ZFHX3: variants seen among roughly 807,000 people sequenced by gnomAD.
ZFHX3 encodes zinc finger homeobox 3, also known as zinc finger homeobox protein 3.
ZFHX3 carries 42 observed loss-of-function variants against 279.1 expected under a neutral mutation model. That is an observed-to-expected ratio of 0.15 (90% CI 0.12 to 0.19). The LOEUF (loss-of-function observed/expected upper bound fraction) is 0.19. Ranked by LOEUF, ZFHX3 falls within the 10% of genes least tolerant of loss-of-function variation. ZFHX3 has a pLI of 1.00. For synonymous variants in ZFHX3, 2,293 were observed against 1,957.8 expected (o/e 1.17, Z -4.52); for missense variants, 4,981 against 4,754.0 (o/e 1.05, Z -1.40).
At position 72,957,848 on chromosome 16, in the gene ZFHX3, G is replaced by A. The variant is rs891387151; in HGVS notation, c.2298C>T (p.Phe766=). 2 of 1,613,754 alleles carry A rather than the reference G, an allele frequency of 1.2e-6. No homozygotes were observed. The highest frequency in any genetic ancestry group is 1.7e-6 in the Non-Finnish European group (2 of 1,179,944). Residue 766 remains phenylalanine, a synonymous_variant, in exon 2 of 10, where the codon TTC becomes TTT. Coordinates refer to ENST00000268489, the MANE Select transcript of ZFHX3 (RefSeq NM_006885.4). The stretch of plus-strand genomic sequence containing the variant: ...CCGCCGCCGCCCCGGCAGTGTGGCT[G>A]AAGACCTGCTCCCCCCCTCCATTCT... ...NLQNGGGEQV[F]SHTAGAAAAA... is the part of the protein sequence containing the mutation.
intron 3 of ZFHX3, among the ~76,000 whole-genome samples, chr16:73,353,322 G>A (rs2016281550): frequency 6.6e-6 from 1 of 152,166 alleles, no homozygotes; most frequent in Non-Finnish European, 1.5e-5. Flanking sequence ...GTGGAGCTAT[G>A]AAAACCAAAG....
intron 5 of ZFHX3, among the ~76,000 whole-genome samples, chr16:73,167,243 T>G (rs924793790): frequency 6.6e-6 from 1 of 152,242 alleles, no homozygotes; most frequent in African/African-American, 2.4e-5. Context: ...TCTTAAAATT[T>G]TTTGCACATT....
Position 73,678,744 on chromosome 16 carries a change from T to A in ZFHX3, c.-1547+1436A>T, listed in dbSNP as rs538482914. On this transcript the variant is annotated intron_variant, in intron 2 of 17. Transcript: ENST00000641206. ...AGTGATTACACAGAACTGTATATAT[T>A]CGCTCTGTGCACTGGACAGGAGTTT... Among the ~76,000 whole-genome samples the A allele has an allele frequency of 2.2e-4, 33 of 152,292 alleles. No individual in the cohort carries two copies. In the South Asian group the frequency reaches 3.7e-3, roughly 17 times the overall value.
At chr16:73,713,338 C>T (rs994046066) in intron 1 of ZFHX3, among the ~76,000 whole-genome samples, 10 of 152,174 alleles carry the variant, frequency 6.6e-5, no homozygotes, top group African/African-American at 2.2e-4. Flanking sequence ...GCAAGTCCTA[C>T]CAGCACAAAG....
At chr16:73,478,055 G>A (rs528542447) in intron 2 of ZFHX3, among the ~76,000 whole-genome samples, 2 of 151,950 alleles carry the variant, frequency 1.3e-5, no homozygotes, top group East Asian at 3.9e-4. Flanking sequence ...GGCGGATCAC[G>A]AGGTCAAGAG....
rs534924064 is a variant in ZFHX3, at chr16:73,126,384, A to G, written c.-897+4584T>C. Among the ~76,000 whole-genome samples the G allele has an allele frequency of 3.0e-4, 45 of 152,262 alleles. 1 individual carries two copies. Among genetic ancestry groups the G allele is most frequent in the Middle Eastern group, 6.8e-3 (2 of 294 alleles). On this transcript the variant is annotated intron_variant, in intron 7 of 17. Transcript: ENST00000641206. The stretch of plus-strand genomic sequence containing the variant: ...AGCAGCCTAGATGGAGGGAAGAGAC[A>G]AGGGCATTGCGCTGCTAGGGGAAGC...
chr16:73,339,611 G>A (rs79737602), intron 3 of ZFHX3, among the ~76,000 whole-genome samples: 3,032 of 152,256 alleles, frequency 0.02, 107 homozygotes, highest in African/African-American at 0.068. Flanking sequence ...AATAGTAGGA[G>A]AGAAAATTCA....
intron 3 of ZFHX3, among the ~76,000 whole-genome samples, chr16:73,350,572 T>C (rs1206041287): frequency 6.6e-6 from 1 of 152,238 alleles, no homozygotes; most frequent in East Asian, 1.9e-4. Context: ...AAGGCAGCTG[T>C]TGCAGCTTCA....
In ZFHX3 at chr16:72,793,559, G is replaced by A; in HGVS notation, c.9123C>T (p.Asp3041=). 1 of 1,614,208 alleles carries A rather than the reference G, an allele frequency of 6.2e-7. No individual in the cohort carries two copies. Among genetic ancestry groups the A allele is most frequent in the Non-Finnish European group, 8.5e-7 (1 of 1,180,042 alleles). Residue 3041 remains aspartate, a synonymous_variant, in exon 9 of 10, where the codon GAC becomes GAT. Transcript: ENST00000268489. The surrounding 1 kb of genome is among the most constrained non-coding windows in gnomAD (Gnocchi z 4.3). ...IKYSARLSVR[D]HIFSQQHISK... is the part of the protein sequence containing the mutation. The stretch of plus-strand genomic sequence containing the variant: ...AGATATGCTGTTGGGAAAAGATATG[G>A]TCACGTACAGACAGCCGAGCGCTGT...
intron 2 of ZFHX3, among the ~76,000 whole-genome samples, chr16:73,576,010 TTCTG>T (rs1201495544): frequency 3.3e-5 from 5 of 152,210 alleles, no homozygotes; most frequent in African/African-American, 9.6e-5. Context: ...TCATCCATTT[TTCTG>T]TCTTTCTCTT....
At chr16:73,185,426 C>T (rs59893506) in intron 5 of ZFHX3, among the ~76,000 whole-genome samples, 4,307 of 152,200 alleles carry the variant, frequency 0.028, 211 homozygotes, top group African/African-American at 0.099. Flanking sequence ...AAGGGCGGAA[C>T]CCAAGTCTAA....
chr16:73,154,218 C>T (rs1409074578), intron 5 of ZFHX3, among the ~76,000 whole-genome samples: 2 of 152,182 alleles, frequency 1.3e-5, no homozygotes, highest in Non-Finnish European at 2.9e-5. Context: ...TGGCTCCTTG[C>T]TGAGGCCTGC....
At chr16:73,544,175 G>A (rs1356998858) in intron 2 of ZFHX3, among the ~76,000 whole-genome samples, 3 of 152,034 alleles carry the variant, frequency 2.0e-5, no homozygotes, top group African/African-American at 7.3e-5. Context: ...TCATTGCCTA[G>A]GACCTGGGTT....
chr16:73,243,008 G>A (rs955099081), intron 5 of ZFHX3, among the ~76,000 whole-genome samples: 5 of 152,224 alleles, frequency 3.3e-5, no homozygotes, highest in East Asian at 3.8e-4. Flanking sequence ...GGTCCTGACA[G>A]TGAAAAGGAG....
At chr16:73,328,218 C>A (rs900053656) in intron 3 of ZFHX3, among the ~76,000 whole-genome samples, 3 of 152,130 alleles carry the variant, frequency 2.0e-5, no homozygotes, top group Middle Eastern at 3.4e-3. Flanking sequence ...ACCAGATCTT[C>A]GGTGGGGAAC....
At chr16:73,122,309 G>A (rs1047673190) in intron 7 of ZFHX3, among the ~76,000 whole-genome samples, 20 of 151,682 alleles carry the variant, frequency 1.3e-4, no homozygotes, top group African/African-American at 3.4e-4. Flanking sequence ...GGGTTCAAGC[G>A]ATTCTCATGC....
chr16:73,551,675 G>T (rs892763020), intron 2 of ZFHX3, among the ~76,000 whole-genome samples: 2 of 152,148 alleles, frequency 1.3e-5, no homozygotes. Context: ...AAGCCATAAA[G>T]ATTACATCTC....
intron 2 of ZFHX3, among the ~76,000 whole-genome samples, chr16:73,512,526 A>AT (rs11358941): frequency 9.5e-5 from 14 of 146,650 alleles, no homozygotes; most frequent in African/African-American, 1.8e-4. Flanking sequence ...TAATTAAAAC[A>AT]TTTTTTTTTT....
At chr16:73,564,146 C>G (rs1295538069) in intron 2 of ZFHX3, among the ~76,000 whole-genome samples, 1 of 152,174 alleles carries the variant, frequency 6.6e-6, no homozygotes, top group Non-Finnish European at 1.5e-5. Flanking sequence ...CACAAGTCTC[C>G]ATCTAGATGT....
Sources: allele counts gnomAD v4.1 joint callset (sites outside exome capture counted in the v4.1 genomes callset), GRCh38; gene constraint gnomAD v4.1.1; non-coding constraint Gnocchi (gnomAD v3.1); transcripts MANE v1.5; gene names NCBI Gene and HGNC (gene_info 2026-07-23, HGNC 2026-07-21).